Variants in FNIP2 observed in about 807,000 individuals in gnomAD.
FNIP2 encodes folliculin interacting protein 2.
Under a neutral mutation model 108.7 loss-of-function variants are expected in FNIP2, and 32 were observed. The observed-to-expected ratio is 0.29, with a 90% CI of 0.22 to 0.40. The LOEUF is 0.40. FNIP2 is among the 10% of genes least tolerant of loss of function. FNIP2 has a pLI of 1.00. For synonymous variants in FNIP2, 480 were observed against 496.7 expected (o/e 0.97, Z 0.45); for missense variants, 1,202 against 1,381.6 (o/e 0.87, Z 2.06).
chr4:158,864,951 T>C (rs1284744392), intron 12 of FNIP2, among the ~76,000 whole-genome samples: 2 of 152,084 alleles, frequency 1.3e-5, no homozygotes, highest in African/African-American at 2.4e-5. Context: ...TCCTCTGCTC[T>C]CTCCGTCTCT....
In FNIP2 at chr4:158,853,504, C is replaced by T. The variant is rs559139952; in HGVS notation, c.857+2054C>T. Among the ~76,000 whole-genome samples the T allele has an allele frequency of 2.3e-3, 348 of 152,240 alleles. 1 individual carries two copies. In the Middle Eastern group the frequency reaches 0.034, roughly 15 times the overall value. Reference sequence around the variant, plus strand: ...AACTTGTCATTTACATTAGGTATATCTCCTAATGCTATCCCTCCCCCATCC... The same window carrying T: ...AACTTGTCATTTACATTAGGTATATTTCCTAATGCTATCCCTCCCCCATCC... On this transcript the variant is annotated intron_variant, in intron 8 of 16. Coordinates refer to ENST00000264433, the MANE Select transcript of FNIP2 (RefSeq NM_020840.3).
At chr4:158,836,811 C>CAAA (rs34469888) in intron 7 of FNIP2, among the ~76,000 whole-genome samples, 8 of 39,574 alleles carry the variant, frequency 2.0e-4, no homozygotes, top group Non-Finnish European at 2.8e-4. Context: ...GACTCCGTCT[C>CAAA]AAAAAAAAAA....
intron 14 of FNIP2, among the ~76,000 whole-genome samples, chr4:158,883,409 T>C (rs1000123293): frequency 6.6e-6 from 1 of 152,006 alleles, no homozygotes; most frequent in African/African-American, 2.4e-5. Flanking sequence ...GCCCGGCTAA[T>C]TTTTTGTATT....
intron 1 of FNIP2, among the ~76,000 whole-genome samples, chr4:158,781,305 G>T (rs969050812): frequency 1.3e-5 from 2 of 152,160 alleles, no homozygotes; most frequent in African/African-American, 4.8e-5. Flanking sequence ...CCTTAGAGGT[G>T]TTCCTGAGTT....
intron 14 of FNIP2, among the ~76,000 whole-genome samples, chr4:158,882,182 C>T (rs1409997146): frequency 1.3e-5 from 2 of 149,998 alleles, no homozygotes; most frequent in Admixed American, 1.3e-4. Context: ...GGAGCCCCTC[C>T]GCCCAGCAGC....
At chr4:158,779,196 A>C (rs1464289618) in intron 1 of FNIP2, among the ~76,000 whole-genome samples, 1 of 152,182 alleles carries the variant, frequency 6.6e-6, no homozygotes, top group Non-Finnish European at 1.5e-5. Context: ...TCAGTAACTT[A>C]AGAGAAAAAA....
Position 158,889,728 on chromosome 4 carries a change from GT to G in FNIP2, c.2950-1716del, listed in dbSNP as rs951343326. On this transcript the variant is annotated intron_variant, in intron 14 of 16. Coordinates refer to ENST00000264433, the MANE Select transcript of FNIP2 (RefSeq NM_020840.3). ...ATCTGTCCCGTGGCATGACCAGCAT[GT>G]TGTGGATTTCTGACAAATGCAAAGC... 7.0e-6 allele frequency: 5 copies of G among 712,288 alleles called. No homozygotes were observed. The African/African-American group carries it at 9.7e-5, about 14-fold the overall frequency. 44.1% of individuals were successfully genotyped at this position (712,288 alleles called of 1,614,324 possible). A position where few individuals can be genotyped will look rare whatever the true frequency, so the allele number is the denominator to read the frequency against.
At chr4:158,814,534 G>T (rs1238111997) in intron 1 of FNIP2, among the ~76,000 whole-genome samples, 1 of 152,164 alleles carries the variant, frequency 6.6e-6, no homozygotes, top group Non-Finnish European at 1.5e-5. Flanking sequence ...GGTGTCTCTA[G>T]GCTCTGCATG....
chr4:158,847,814 G>A (rs1779486341), intron 7 of FNIP2, among the ~76,000 whole-genome samples: 1 of 152,190 alleles, frequency 6.6e-6, no homozygotes, highest in Non-Finnish European at 1.5e-5. Flanking sequence ...ACCATAAGCT[G>A]ACTGAAGAGC....
intron 15 of FNIP2, 138 bp from the exon 16 acceptor site, chr4:158,895,612 T>G (rs1205409870): frequency 3.3e-6 from 2 of 612,326 alleles, no homozygotes; most frequent in East Asian, 2.8e-5. Flanking sequence ...TTGAGATGGC[T>G]TGTGATTTTT....
chr4:158,889,893 C>A, intron 14 of FNIP2: 1 of 984,806 alleles, frequency 1.0e-6, no homozygotes, highest in Non-Finnish European at 1.2e-6. Flanking sequence ...ATGAACAAGA[C>A]CTTGGAGGAG....
chr4:158,841,894 A>G (rs1347064240), intron 7 of FNIP2, among the ~76,000 whole-genome samples: 1 of 152,248 alleles, frequency 6.6e-6, no homozygotes, highest in Admixed American at 6.5e-5. Flanking sequence ...TTTTTGATGT[A>G]TGGGGCAAAG....
At chr4:158,876,149 C>T (rs768087117) in intron 14 of FNIP2, among the ~76,000 whole-genome samples, 16 of 152,194 alleles carry the variant, frequency 1.1e-4, no homozygotes, top group Non-Finnish European at 1.9e-4. Context: ...TCCCCAACTC[C>T]AATCTGAAAT....
In FNIP2 at chr4:158,893,332, C is replaced by A. The variant is rs185229479; in HGVS notation, c.3150+1686C>A. ...TTCCTAACCATGTACTCTTTCAAAG[C>A]CTTAATTTCCTTATCTGCAAAGCTG... On this transcript the variant is annotated intron_variant, in intron 15 of 16. Coordinates refer to ENST00000264433, the MANE Select transcript of FNIP2 (RefSeq NM_020840.3). 260 of 187,024 alleles carry A rather than the reference C, an allele frequency of 1.4e-3. 1 individual carries two copies. Among genetic ancestry groups the A allele is most frequent in the African/African-American group, 5.6e-3 (243 of 43,114 alleles). 11.6% of individuals were successfully genotyped at this position (187,024 alleles called of 1,614,324 possible).
At chr4:158,859,695 CAGG>C (rs1780175706) in intron 10 of FNIP2, 29 bp downstream of exon 10, 1 of 1,566,600 alleles carries the variant, frequency 6.4e-7, no homozygotes, top group Non-Finnish European at 8.8e-7. Context: ...GCAAATCCAA[CAGG>C]AGATGTTTAT....
intron 1 of FNIP2, among the ~76,000 whole-genome samples, chr4:158,791,265 CCT>C (rs1776405549): frequency 1.8e-5 from 2 of 109,434 alleles, no homozygotes; most frequent in African/African-American, 6.7e-5. Context: ...CACTGAGGAT[CCT>C]TTTTTTTTTT....
chr4:158,907,870 A>G lies in FNIP2; in HGVS notation c.*3326A>G, dbSNP rs917881861. On this transcript the variant is annotated 3_prime_UTR_variant, in exon 17 of 17. Transcript: ENST00000264433. ...AAACTTAAGTGGTATTTCAAAAACG[A>G]GAAAATTCTGGAATTTGTCATTTGA... 6.6e-6 allele frequency: 1 copy of G among 152,224 alleles called. No homozygotes were observed. Among genetic ancestry groups the G allele is most frequent in the Non-Finnish European group, 1.5e-5 (1 of 68,040 alleles). The allele number at this position is 152,224 out of a possible 1,614,324, so 9.4% of individuals were successfully genotyped here. A position where few individuals can be genotyped will look rare whatever the true frequency, so the allele number is the denominator to read the frequency against.
At chr4:158,769,378 C>T (rs2126386896) in intron 1 of FNIP2, 59 bp downstream of exon 1, 12 of 1,209,804 alleles carry the variant, frequency 9.9e-6, no homozygotes, top group South Asian at 1.5e-5. Context: ...CGGTGCTCGC[C>T]GGGGAGGGGA....
chr4:158,859,366 C>A, intron 9 of FNIP2, 108 bp downstream of exon 9: 2 of 1,257,278 alleles, frequency 1.6e-6, no homozygotes, highest in South Asian at 1.5e-5. Flanking sequence ...GAAGTTAAAT[C>A]ACCTGTAGCA....
Sources: allele counts gnomAD v4.1 joint callset (sites outside exome capture counted in the v4.1 genomes callset), GRCh38; gene constraint gnomAD v4.1.1; transcripts MANE v1.5; gene names NCBI Gene and HGNC (gene_info 2026-07-23, HGNC 2026-07-21).